Variants in DBT observed in about 807,000 individuals in gnomAD.
DBT encodes dihydrolipoamide branched chain transacylase E2.
DBT carries 40 observed loss-of-function variants against 51.3 expected under a neutral mutation model. The observed-to-expected ratio is 0.78, with a 90% confidence interval of 0.61 to 1.02. The LOEUF (loss-of-function observed/expected upper bound fraction) is 1.02, where lower values mean the gene tolerates loss of function less well. Ranked by LOEUF, DBT falls within the 50% of genes least tolerant of loss-of-function variation. DBT has a pLI of 0.00. For missense variants in DBT, 510 were observed against 580.2 expected, an observed-to-expected ratio of 0.88 and a Z score of 1.24; for synonymous variants, 181 against 190.4, an observed-to-expected ratio of 0.95 and a Z score of 0.41.
chr1:100,211,601 G>T (rs941485053), intron 7 of DBT, among the ~76,000 whole-genome samples: 5 of 152,098 alleles, frequency 3.3e-5, no homozygotes, highest in Admixed American at 2.6e-4. Flanking sequence ...GTGCATCGGG[G>T]TCTTGATGGG....
chr1:100,200,743 C>T (rs1421881714), intron 10 of DBT, among the ~76,000 whole-genome samples: 1 of 152,174 alleles, frequency 6.6e-6, no homozygotes, highest in African/African-American at 2.4e-5. Context: ...CTACAGCCTC[C>T]ACTGGTGATA....
At chr1:100,201,413 C>A (rs1661428727) in intron 10 of DBT, among the ~76,000 whole-genome samples, 1 of 151,960 alleles carries the variant, frequency 6.6e-6, no homozygotes, top group African/African-American at 2.4e-5. Context: ...TGAAAAAGAC[C>A]AAAACTACGT....
At chr1:100,197,365 C>T (rs1661175831) in intron 10 of DBT, among the ~76,000 whole-genome samples, 1 of 152,142 alleles carries the variant, frequency 6.6e-6, no homozygotes, top group Admixed American at 6.5e-5. Flanking sequence ...GCAGATTGGC[C>T]ATTCACTGAA....
At chr1:100,232,757 C>T (rs1663620697) in intron 3 of DBT, among the ~76,000 whole-genome samples, 1 of 151,984 alleles carries the variant, frequency 6.6e-6, no homozygotes, top group South Asian at 2.1e-4. Flanking sequence ...GCCTGTGCCA[C>T]CATGCCAGGC....
In DBT at chr1:100,187,358, CA is replaced by C. The variant is rs1660610654; in HGVS notation, c.*8896del. 1 of 152,154 alleles carries C rather than the reference CA, an allele frequency of 6.6e-6. No homozygotes were observed. The highest frequency in any genetic ancestry group is 1.5e-5 in the Non-Finnish European group (1 of 68,030). 9.4% of individuals were successfully genotyped at this position (152,154 alleles called of 1,614,324 possible). ...GACTGAGATACTTTTTACTGCATAG[CA>C]AATTAAAAAGATATGCTCATCCCAC... On this transcript the variant is annotated 3_prime_UTR_variant, in exon 11 of 11. Coordinates refer to ENST00000370132, the MANE Select transcript of DBT (RefSeq NM_001918.5).
At chr1:100,223,825 T>G (rs993549085) in intron 4 of DBT, among the ~76,000 whole-genome samples, 1 of 151,964 alleles carries the variant, frequency 6.6e-6, no homozygotes, top group Non-Finnish European at 1.5e-5. Context: ...GATATAATGG[T>G]GATAATGTTA....
At chr1:100,243,260 CAA>C (rs147918527) in intron 1 of DBT, among the ~76,000 whole-genome samples, 253 of 108,518 alleles carry the variant, frequency 2.3e-3, no homozygotes, top group Middle Eastern at 9.0e-3. Context: ...ACCTTGTCTC[CAA>C]AAAAAAAAAA....
At chr1:100,249,199 G>C in intron 1 of DBT, 24 of 540,278 alleles carry the variant, frequency 4.4e-5, no homozygotes, top group Non-Finnish European at 5.5e-5. Flanking sequence ...AGAGAAGGAA[G>C]TGCAGGGGAG....
At chr1:100,236,008 A>C (rs928535831) in intron 2 of DBT, among the ~76,000 whole-genome samples, 2 of 152,166 alleles carry the variant, frequency 1.3e-5, no homozygotes, top group Non-Finnish European at 2.9e-5. Flanking sequence ...TTGTTTGTCC[A>C]AACTTATGTT....
chr1:100,223,403 C>T (rs1191593260), intron 4 of DBT, among the ~76,000 whole-genome samples: 5 of 152,144 alleles, frequency 3.3e-5, no homozygotes, highest in African/African-American at 1.2e-4. Context: ...ACAGGGTTTC[C>T]TCTGTCTGAG....
At chr1:100,215,776 C>T (rs1234761446) in intron 6 of DBT, among the ~76,000 whole-genome samples, 1 of 152,026 alleles carries the variant, frequency 6.6e-6, no homozygotes, top group Non-Finnish European at 1.5e-5. Context: ...GAGCCAAGAT[C>T]GTGCCACTGC....
intron 4 of DBT, among the ~76,000 whole-genome samples, 185 bp from the exon 5 acceptor site, chr1:100,218,932 T>TGG (rs55792733): frequency 0.023 from 3,408 of 146,208 alleles, 72 homozygotes; most frequent in Non-Finnish European, 0.03. Flanking sequence ...ATGGGTAGAG[T>TGG]GGGGGGGGGG....
At chr1:100,233,675 G>A (rs968043497) in intron 3 of DBT, among the ~76,000 whole-genome samples, 2 of 152,282 alleles carry the variant, frequency 1.3e-5, no homozygotes, top group East Asian at 1.9e-4. Context: ...AAGAGTACAC[G>A]GAACAAAGGA....
intron 1 of DBT, among the ~76,000 whole-genome samples, chr1:100,246,428 G>A (rs1283144053): frequency 6.6e-6 from 1 of 152,170 alleles, no homozygotes; most frequent in Non-Finnish European, 1.5e-5. Context: ...ACTTGGAAAT[G>A]CAAAGCTAAA....
chr1:100,201,824 G>A (rs1366136936), intron 10 of DBT, among the ~76,000 whole-genome samples: 1 of 152,126 alleles, frequency 6.6e-6, no homozygotes, highest in Non-Finnish European at 1.5e-5. Flanking sequence ...AAGTGGAGGA[G>A]AAATAAAATC....
rs751669253 is a variant in DBT, at chr1:100,249,825, C to T, written c.-5G>A. On this transcript the variant is annotated 5_prime_UTR_variant, in exon 1 of 11. Coordinates refer to ENST00000370132, the MANE Select transcript of DBT (RefSeq NM_001918.5). The stretch of plus-strand genomic sequence containing the variant: ...CAGCATACGGACTGCAGCCATCTTA[C>T]CCCGGAAATGACAACAGTGCCGCAA... 6.2e-7 allele frequency: 1 copy of T among 1,614,052 alleles called. No homozygotes were observed. Among genetic ancestry groups the T allele is most frequent in the African/African-American group, 1.3e-5 (1 of 74,930 alleles).
intron 10 of DBT, among the ~76,000 whole-genome samples, chr1:100,204,638 C>T (rs553380954): frequency 6.6e-6 from 1 of 151,982 alleles, no homozygotes; most frequent in Non-Finnish European, 1.5e-5. Flanking sequence ...AAAAAGCCCA[C>T]ATAGCCAAGA....
intron 10 of DBT, among the ~76,000 whole-genome samples, chr1:100,203,853 C>G (rs991587453): frequency 3.3e-5 from 5 of 152,180 alleles, no homozygotes; most frequent in African/African-American, 1.2e-4. Context: ...ACAAAAACCA[C>G]ATGATTATCT....
intron 4 of DBT, among the ~76,000 whole-genome samples, chr1:100,225,016 T>TCC (rs1278347706): frequency 2.2e-5 from 1 of 44,806 alleles, no homozygotes; most frequent in African/African-American, 1.0e-4. Context: ...AGACTCCGTC[T>TCC]CCCCCCAAAA....
Sources: gnomAD v4.1 joint callset for allele counts (sites outside exome capture counted in the v4.1 genomes callset) on GRCh38, gnomAD v4.1.1 for gene constraint, MANE v1.5 for transcripts, NCBI Gene and HGNC (gene_info 2026-07-23, HGNC 2026-07-21) for gene names.